The following IPCEF1 variants were observed in gnomAD, a reference collection of about 807,000 sequenced individuals.
IPCEF1 encodes the protein interactor protein for cytohesin exchange factors 1.
In IPCEF1, 31 loss-of-function variants were observed where a neutral mutation model predicts 50.9. The observed-to-expected ratio is 0.61, with a 90% CI of 0.46 to 0.82. The LOEUF is 0.82. IPCEF1 is among the 40% of genes least tolerant of loss of function. IPCEF1 has a pLI of 0.00. For missense variants in IPCEF1, 458 were observed against 514.0 expected (o/e 0.89, Z 1.05); for synonymous variants, 181 against 192.0 (o/e 0.94, Z 0.47).
At chr6:154,298,846 C>T (rs1460310345) in intron 1 of IPCEF1, among the ~76,000 whole-genome samples, 1 of 151,716 alleles carries the variant, frequency 6.6e-6, no homozygotes, top group Admixed American at 6.6e-5. Context: ...CCTGTAATCC[C>T]AAGTACTTGG....
chr6:154,178,238 T>C (rs1047905898), intron 10 of IPCEF1, among the ~76,000 whole-genome samples: 1 of 152,118 alleles, frequency 6.6e-6, no homozygotes, highest in Non-Finnish European at 1.5e-5. Context: ...TGTATACCTA[T>C]GTAACAAACC....
At chr6:154,185,060 C>T (rs1801216232) in intron 10 of IPCEF1, among the ~76,000 whole-genome samples, 2 of 152,174 alleles carry the variant, frequency 1.3e-5, no homozygotes, top group South Asian at 2.1e-4. Context: ...GATCCTGCTA[C>T]ATGGCATGAC....
chr6:154,160,109 C>T, intron 11 of IPCEF1, 69 bp from the exon 12 acceptor site: 1 of 1,223,678 alleles, frequency 8.2e-7, no homozygotes. Flanking sequence ...ACCATCTTTA[C>T]CAACTCTTTT....
chr6:154,275,067 C>T (rs952197664), intron 2 of IPCEF1, among the ~76,000 whole-genome samples: 7 of 152,296 alleles, frequency 4.6e-5, no homozygotes, highest in African/African-American at 1.7e-4. Flanking sequence ...CACACACACC[C>T]TAGTGGCAGC....
intron 1 of IPCEF1, among the ~76,000 whole-genome samples, chr6:154,316,985 A>G (rs982655842): frequency 6.6e-6 from 1 of 152,186 alleles, no homozygotes; most frequent in Non-Finnish European, 1.5e-5. Flanking sequence ...TCATAGACCT[A>G]AACTTGACAG....
chr6:154,200,274 C>A (rs1305496739), intron 9 of IPCEF1, among the ~76,000 whole-genome samples: 1 of 152,228 alleles, frequency 6.6e-6, no homozygotes, highest in Non-Finnish European at 1.5e-5. Context: ...TCTGAAAAAT[C>A]TCCTTATCAT....
In IPCEF1 at chr6:154,159,972, G is replaced by A; in HGVS notation, c.1173C>T (p.Tyr391=). The A allele has an allele frequency of 6.2e-7, 1 of 1,613,092 alleles. No homozygotes were observed. Among genetic ancestry groups the A allele is most frequent in the South Asian group, 1.1e-5 (1 of 90,992 alleles). The change falls in exon 12 of 12, where the codon TAC becomes TAT. Residue 391 remains tyrosine (Y), a synonymous_variant. Transcript: ENST00000367220. Reference sequence around the variant, plus strand: ...GGGTGTTCATGACTTTCCACTCTCTGTATTTCCTGGCTGTCAGCTTCGGGT... The same window carrying A: ...GGGTGTTCATGACTTTCCACTCTCTATATTTCCTGGCTGTCAGCTTCGGGT... ...LDDPKLTARK[Y]REWKVMNTLL... is the part of the protein sequence containing the mutation.
chr6:154,297,319 T>C (rs1056496843), intron 1 of IPCEF1, among the ~76,000 whole-genome samples: 5 of 152,246 alleles, frequency 3.3e-5, no homozygotes, highest in African/African-American at 1.2e-4. Context: ...GGATTACAGA[T>C]GTGAGCCACC....
intron 9 of IPCEF1, among the ~76,000 whole-genome samples, chr6:154,201,018 G>T (rs1777024041): frequency 6.6e-6 from 1 of 152,134 alleles, no homozygotes; most frequent in South Asian, 2.1e-4. Flanking sequence ...GAGTTCTCAT[G>T]AGATCTGATA....
chr6:154,198,631 T>TACACACACACACACACAC (rs3070838), intron 10 of IPCEF1, among the ~76,000 whole-genome samples: 7 of 146,804 alleles, frequency 4.8e-5, no homozygotes, highest in Admixed American at 3.4e-4. Flanking sequence ...AAATATTACA[T>TACACACACACACACACAC]ACACACACAC....
At chr6:154,338,172 C>A (rs114936980) in intron 1 of IPCEF1, among the ~76,000 whole-genome samples, 3,356 of 152,308 alleles carry the variant, frequency 0.022, 42 homozygotes, top group Middle Eastern at 0.075. Flanking sequence ...GCCTCCCAGC[C>A]TGGGTCATCA....
chr6:154,324,000 G>T (rs1783457871), intron 1 of IPCEF1, among the ~76,000 whole-genome samples: 1 of 152,152 alleles, frequency 6.6e-6, no homozygotes, highest in Non-Finnish European at 1.5e-5. Flanking sequence ...AAACAAGACT[G>T]ATCACATTGA....
chr6:154,204,652 C>T (rs1221531520), intron 9 of IPCEF1, among the ~76,000 whole-genome samples: 1 of 152,092 alleles, frequency 6.6e-6, no homozygotes, highest in Non-Finnish European at 1.5e-5. Context: ...CCTTAGTATC[C>T]ATGTGACCTT....
intron 1 of IPCEF1, among the ~76,000 whole-genome samples, chr6:154,338,963 C>T (rs1047896619): frequency 6.6e-6 from 1 of 152,080 alleles, no homozygotes; most frequent in African/African-American, 2.4e-5. Flanking sequence ...AATAAAATCA[C>T]TTTGTTCCTG....
intron 1 of IPCEF1, among the ~76,000 whole-genome samples, chr6:154,352,562 TC>T (rs1212042426): frequency 3.3e-5 from 5 of 152,256 alleles, no homozygotes; most frequent in African/African-American, 1.2e-4. Context: ...GGGAGACCTG[TC>T]TTTGCTCACA....
chr6:154,190,562 A>T (rs527388625), intron 10 of IPCEF1, among the ~76,000 whole-genome samples: 1 of 152,332 alleles, frequency 6.6e-6, no homozygotes, highest in East Asian at 1.9e-4. Flanking sequence ...TGATGGTGGG[A>T]ATGCAAAATG....
At chr6:154,327,324 A>C (rs1032247899) in intron 1 of IPCEF1, among the ~76,000 whole-genome samples, 6 of 152,222 alleles carry the variant, frequency 3.9e-5, no homozygotes, top group African/African-American at 1.4e-4. Flanking sequence ...CATCTGACAA[A>C]GGTCTAATAT....
intron 1 of IPCEF1, among the ~76,000 whole-genome samples, chr6:154,354,522 A>C (rs1784180999): frequency 6.0e-5 from 3 of 50,260 alleles, no homozygotes; most frequent in African/African-American, 1.2e-4. Context: ...CTACCACTCC[A>C]ATCACCATTT....
intron 5 of IPCEF1, among the ~76,000 whole-genome samples, chr6:154,244,341 G>C (rs1430584307): frequency 6.6e-6 from 1 of 150,798 alleles, no homozygotes; most frequent in East Asian, 1.9e-4. Flanking sequence ...TGGTGGAGAG[G>C]AAGAGAGAGG....
Sources: gnomAD v4.1 joint callset for allele counts (sites outside exome capture counted in the v4.1 genomes callset) on GRCh38, gnomAD v4.1.1 for gene constraint, MANE v1.5 for transcripts, NCBI Gene and HGNC (gene_info 2026-07-23, HGNC 2026-07-21) for gene names.